FMN1: variants seen among roughly 807,000 people sequenced by gnomAD.
The protein encoded by FMN1 is formin-1.
FMN1 carries 110 observed loss-of-function variants against 132.4 expected under a neutral mutation model. That is an observed-to-expected ratio of 0.83 (90% CI 0.71 to 0.97). The LOEUF (loss-of-function observed/expected upper bound fraction) is 0.97, where lower values mean the gene tolerates loss of function less well. Ranked by LOEUF, FMN1 falls within the 50% of genes least tolerant of loss-of-function variation. The pLI is 0.00. For missense variants in FMN1, 1,792 were observed against 1,705.3 expected, an observed-to-expected ratio of 1.05 and a Z score of -0.90; for synonymous variants, 722 against 651.7, an observed-to-expected ratio of 1.11 and a Z score of -1.64.
intron 9 of FMN1, among the ~76,000 whole-genome samples, chr15:32,930,253 C>G (rs931270280): frequency 6.6e-6 from 1 of 152,056 alleles, no homozygotes; most frequent in Non-Finnish European, 1.5e-5. Flanking sequence ...TCCCCAAATG[C>G]TGGGATTACA....
At chr15:33,043,804 C>CA (rs1303871524) in intron 6 of FMN1, among the ~76,000 whole-genome samples, 1 of 152,234 alleles carries the variant, frequency 6.6e-6, no homozygotes, top group Non-Finnish European at 1.5e-5. Flanking sequence ...GTTGGCAGGG[C>CA]ACAGCTGCAG....
chr15:32,793,563 G>T (rs1160778707), intron 19 of FMN1, among the ~76,000 whole-genome samples: 2 of 152,210 alleles, frequency 1.3e-5, no homozygotes, highest in Non-Finnish European at 2.9e-5. Flanking sequence ...TTACAGGCAT[G>T]AGCCACTACG....
intron 9 of FMN1, among the ~76,000 whole-genome samples, chr15:32,929,779 G>C (rs1329963706): frequency 9.0e-6 from 1 of 111,512 alleles, no homozygotes; most frequent in Non-Finnish European, 1.9e-5. Context: ...TTTTTTTTTT[G>C]TGGTCAAGTA....
chr15:33,126,583 ATTC>A (rs1318030234), intron 4 of FMN1, among the ~76,000 whole-genome samples: 3 of 152,364 alleles, frequency 2.0e-5, no homozygotes, highest in South Asian at 2.1e-4. Flanking sequence ...ACTTCTGCCC[ATTC>A]TTCAATAGAC....
intron 17 of FMN1, among the ~76,000 whole-genome samples, chr15:32,819,990 C>T (rs563238486): frequency 6.6e-6 from 1 of 152,100 alleles, no homozygotes; most frequent in African/African-American, 2.4e-5. Context: ...AAATGGTGGA[C>T]TGAATAATAA....
chr15:32,797,837 T>C (rs1008755390), intron 19 of FMN1, among the ~76,000 whole-genome samples: 4 of 152,304 alleles, frequency 2.6e-5, no homozygotes, highest in Non-Finnish European at 5.9e-5. Flanking sequence ...GGGTAGGTTG[T>C]GATGTGTCTA....
In FMN1 at chr15:33,024,457, A is replaced by G. The variant is rs943766194; in HGVS notation, c.2162-16382T>C. Among the ~76,000 whole-genome samples, 93 of 152,038 alleles carry G rather than the reference A, an allele frequency of 6.1e-4. 1 individual carries two copies. Among genetic ancestry groups the G allele is most frequent in the African/African-American group, 2.2e-3 (91 of 41,468 alleles). On this transcript the variant is annotated intron_variant, in intron 6 of 20. Coordinates refer to ENST00000616417, the MANE Select transcript of FMN1 (RefSeq NM_001277313.2). ...GAGACGGGGTTTCACCGTGTTAGCC[A>G]GGATGGTCTCGATTTCCTGACCTCG...
chr15:32,906,281 A>G (rs1292826997), intron 12 of FMN1, among the ~76,000 whole-genome samples: 4 of 152,228 alleles, frequency 2.6e-5, no homozygotes, highest in African/African-American at 9.6e-5. Flanking sequence ...TGTATGGCCC[A>G]TGAATTAAAA....
At chr15:33,111,743 C>T (rs926575214) in intron 4 of FMN1, among the ~76,000 whole-genome samples, 1 of 151,676 alleles carries the variant, frequency 6.6e-6, no homozygotes, top group Admixed American at 6.6e-5. Context: ...ACAGGCAAAT[C>T]TACGGAGGCA....
intron 4 of FMN1, among the ~76,000 whole-genome samples, chr15:33,111,825 G>A (rs1595496059): frequency 6.6e-6 from 1 of 152,082 alleles, no homozygotes; most frequent in Non-Finnish European, 1.5e-5. Context: ...GATGGTATGG[G>A]GGTTTTGGGG....
intron 9 of FMN1, among the ~76,000 whole-genome samples, chr15:32,960,200 C>T (rs1042146462): frequency 2.0e-5 from 3 of 152,134 alleles, no homozygotes; most frequent in Non-Finnish European, 4.4e-5. Context: ...TCCATTTTCG[C>T]ACTGCTATAA....
At chr15:33,127,169 G>C (rs1049384055) in intron 4 of FMN1, among the ~76,000 whole-genome samples, 3 of 134,084 alleles carry the variant, frequency 2.2e-5, no homozygotes, top group Non-Finnish European at 3.4e-5. Context: ...CTCTCAAACA[G>C]AGAGGAGGTC....
intron 7 of FMN1, among the ~76,000 whole-genome samples, chr15:32,997,389 C>G (rs1370572916): frequency 6.7e-6 from 1 of 148,796 alleles, no homozygotes; most frequent in Non-Finnish European, 1.5e-5. Flanking sequence ...TTGTACAGGT[C>G]TTTGACACAG....
At position 32,934,547 on chromosome 15, in the gene FMN1, T is replaced by C. The variant is rs148374172; in HGVS notation, c.3139-8286A>G. On this transcript the variant is annotated intron_variant, in intron 9 of 20. Coordinates refer to ENST00000616417, the MANE Select transcript of FMN1 (RefSeq NM_001277313.2). Reference sequence around the variant, plus strand: ...TGGTCATGAACACCCTACACTTTTATTTATCTACGAACATCTATTTCTCTT... The same window carrying C: ...TGGTCATGAACACCCTACACTTTTACTTATCTACGAACATCTATTTCTCTT... Among the ~76,000 whole-genome samples, 412 of 152,198 alleles carry C rather than the reference T, an allele frequency of 2.7e-3. 4 individuals are homozygous for C. Among genetic ancestry groups the C allele is most frequent in the African/African-American group, 9.7e-3 (402 of 41,538 alleles).
intron 17 of FMN1, among the ~76,000 whole-genome samples, chr15:32,808,163 C>A (rs1459415835): frequency 6.6e-6 from 1 of 152,238 alleles, no homozygotes; most frequent in Non-Finnish European, 1.5e-5. Context: ...AATTGCTCCA[C>A]AAGAACAATT....
rs1214372198 is a variant in FMN1, at chr15:32,804,350, T to C, written c.3929-18A>G. ...TTTTTTGGCTGTAAAAGATAAATCA[T>C]GATTAAAAATTTTTTCTTCTGTTGT... On this transcript the variant is annotated intron_variant, in intron 17 of 20. Transcript: ENST00000616417. 6 of 1,528,862 alleles carry C rather than the reference T, an allele frequency of 3.9e-6. No homozygotes were observed. Among genetic ancestry groups the C allele is most frequent in the African/African-American group, 2.8e-5 (2 of 71,578 alleles). 94.7% of individuals were successfully genotyped at this position (1,528,862 alleles called of 1,614,324 possible). A position where few individuals can be genotyped will look rare whatever the true frequency, so the allele number is the denominator to read the frequency against.
At position 32,901,927 on chromosome 15, in the gene FMN1, A is replaced by C. The variant is rs758356027; in HGVS notation, c.3491T>G (p.Ile1164Ser). 1 of 1,609,658 alleles carries C rather than the reference A, an allele frequency of 6.2e-7. No homozygotes were observed. ...TAAACATACCTTAGAAGCTCGCGTG[A>C]TGATCTCTACCTTTCTGTGCAAGGA... is the stretch of plus-strand genomic sequence containing the variant. The part of the protein sequence containing the change: ...ITSLHRKVEI[I>S]TRASKDLLHV... The change falls in exon 13 of 21, where the codon ATC becomes AGC. Residue 1164 changes from isoleucine to serine, a missense_variant. Ile to Ser is a moderately radical substitution (Grantham distance 142, BLOSUM62 -2). Transcript: ENST00000616417.
chr15:33,086,737 T>G (rs1456050372), intron 5 of FMN1, among the ~76,000 whole-genome samples: 1 of 152,180 alleles, frequency 6.6e-6, no homozygotes, highest in Non-Finnish European at 1.5e-5. Context: ...ACGCACAACT[T>G]TATATATGGG....
At position 32,772,547 on chromosome 15, in the gene FMN1, C is replaced by A. The variant is rs1242916147; in HGVS notation, c.*1763G>T. 6.6e-6 allele frequency: 1 copy of A among 152,216 alleles called. No homozygotes were observed. Among genetic ancestry groups the A allele is most frequent in the African/African-American group, 2.4e-5 (1 of 41,456 alleles). 9.4% of individuals were successfully genotyped at this position (152,216 alleles called of 1,614,324 possible). On this transcript the variant is annotated 3_prime_UTR_variant, in exon 21 of 21. Coordinates refer to ENST00000616417, the MANE Select transcript of FMN1 (RefSeq NM_001277313.2). ...AAAGCAGCATAAAAAGCTTCTTGCT[C>A]ACAAGCAACTTCAAGCCTTTTTAGT... is the stretch of plus-strand genomic sequence containing the variant.
Sources: gnomAD v4.1 joint callset for allele counts (sites outside exome capture counted in the v4.1 genomes callset) on GRCh38, gnomAD v4.1.1 for gene constraint, MANE v1.5 for transcripts, NCBI Gene and HGNC (gene_info 2026-07-23, HGNC 2026-07-21) for gene names.